Variants in NMNAT2 observed in about 807,000 individuals in gnomAD.
NMNAT2 encodes nicotinamide nucleotide adenylyltransferase 2.
In NMNAT2, 11 loss-of-function variants were observed where a neutral mutation model predicts 41.6. That is an observed-to-expected ratio of 0.26 (90% CI 0.17 to 0.44). NMNAT2 has a LOEUF of 0.44. Ranked by LOEUF, NMNAT2 falls within the 20% of genes least tolerant of loss-of-function variation. The probability of loss-of-function intolerance (pLI) is 1.00; values close to 1 mark genes in which losing one functional copy is unlikely to be tolerated. For missense variants in NMNAT2, 288 were observed against 407.7 expected (o/e 0.71, Z 2.53); for synonymous variants, 148 against 151.2 (o/e 0.98, Z 0.16).
rs752970896 is a variant in NMNAT2 at position 183,283,925 on chromosome 1, C to T, written c.574+70G>A. The stretch of plus-strand genomic sequence containing the variant: ...TGGGTTTTCAAGCCTCTCTGCTCCC[C>T]ATGTTGCCTGTCGTGAAGGCAGGGA... On this transcript the variant is annotated intron_variant, in intron 7 of 10. Transcript: ENST00000287713. 9 of 1,460,352 alleles carry T rather than the reference C, an allele frequency of 6.2e-6. No homozygotes were observed. In the African/African-American group the frequency reaches 1.1e-4, roughly 18 times the overall value. The allele number at this position is 1,460,352 out of a possible 1,614,324, so 90.5% of individuals were successfully genotyped here. A position where few individuals can be genotyped will look rare whatever the true frequency, so the allele number is the denominator to read the frequency against.
chr1:183,291,603 G>A (rs1661541656), intron 3 of NMNAT2, among the ~76,000 whole-genome samples: 1 of 152,160 alleles, frequency 6.6e-6, no homozygotes, highest in South Asian at 2.1e-4. Context: ...TGGAATGCAT[G>A]AGGGAATTAT....
chr1:183,311,661 T>C (rs1024748575), intron 1 of NMNAT2, among the ~76,000 whole-genome samples: 1 of 151,592 alleles, frequency 6.6e-6, no homozygotes, highest in Admixed American at 6.6e-5. Context: ...ATCCAAGAAG[T>C]GGGCTTCTCA....
At chr1:183,374,716 G>A (rs1557893148) in intron 1 of NMNAT2, among the ~76,000 whole-genome samples, 1 of 152,122 alleles carries the variant, frequency 6.6e-6, no homozygotes, top group Non-Finnish European at 1.5e-5. Context: ...GATGAGGAGT[G>A]CTAAGAGAGG....
intron 1 of NMNAT2, among the ~76,000 whole-genome samples, chr1:183,403,414 G>A (rs527512503): frequency 6.6e-6 from 1 of 151,614 alleles, no homozygotes; most frequent in Non-Finnish European, 1.5e-5. Flanking sequence ...TATTGAGTTG[G>A]GGGAAGGGAC....
intron 10 of NMNAT2, among the ~76,000 whole-genome samples, chr1:183,255,728 A>G (rs2102274674): frequency 7.2e-6 from 1 of 137,972 alleles, no homozygotes; most frequent in East Asian, 2.2e-4. Flanking sequence ...CAATGGTGTG[A>G]TCTTGACTCA....
At chr1:183,303,212 G>C (rs1213730529) in intron 1 of NMNAT2, among the ~76,000 whole-genome samples, 1 of 152,070 alleles carries the variant, frequency 6.6e-6, no homozygotes, top group African/African-American at 2.4e-5. Context: ...ACACAGCCTG[G>C]AGCAACTTTG....
chr1:183,341,724 C>CGAAAAAAA (rs1557883660), intron 1 of NMNAT2, among the ~76,000 whole-genome samples: 1 of 15,822 alleles, frequency 6.3e-5, no homozygotes, highest in Non-Finnish European at 1.4e-4. Context: ...CAAACAAACA[C>CGAAAAAAA]CAAAAAAAAA....
intron 8 of NMNAT2, among the ~76,000 whole-genome samples, chr1:183,276,362 C>A (rs576036649): frequency 6.6e-6 from 1 of 152,308 alleles, no homozygotes; most frequent in East Asian, 1.9e-4. Flanking sequence ...AGGGACCAAT[C>A]AGAAAAGGAG....
chr1:183,395,765 A>T (rs942858713), intron 1 of NMNAT2, among the ~76,000 whole-genome samples: 2 of 152,174 alleles, frequency 1.3e-5, no homozygotes, highest in Admixed American at 1.3e-4. Context: ...GTATTGGGAG[A>T]GGGGAGGTTA....
chr1:183,269,868 T>C (rs1660937168), intron 8 of NMNAT2, among the ~76,000 whole-genome samples: 1 of 152,168 alleles, frequency 6.6e-6, no homozygotes, highest in Admixed American at 6.5e-5. Flanking sequence ...TTAAGACTCA[T>C]ATTGTAGTGA....
At chr1:183,279,569 G>C (rs1331427229) in intron 7 of NMNAT2, among the ~76,000 whole-genome samples, 8 of 152,188 alleles carry the variant, frequency 5.3e-5, no homozygotes, top group African/African-American at 1.7e-4. Flanking sequence ...AGGCCCAGGC[G>C]AGAGACAGAG....
chr1:183,261,441 A>G (rs1248882826), intron 8 of NMNAT2, 138 bp from the exon 9 acceptor site: 3 of 711,360 alleles, frequency 4.2e-6, no homozygotes, highest in Non-Finnish European at 7.4e-6. Context: ...CCTTCTTCTC[A>G]GCCCCATCAG....
intron 1 of NMNAT2, among the ~76,000 whole-genome samples, chr1:183,321,284 G>T (rs1662351538): frequency 2.6e-5 from 4 of 152,104 alleles, no homozygotes; most frequent in Admixed American, 2.6e-4. Flanking sequence ...TGTTCATGAA[G>T]CCCAAACCAT....
chr1:183,311,872 G>GT (rs1662130911), intron 1 of NMNAT2, among the ~76,000 whole-genome samples: 1 of 151,736 alleles, frequency 6.6e-6, no homozygotes, highest in African/African-American at 2.4e-5. Flanking sequence ...TCGGTGGGAG[G>GT]TAATTGAATC....
chr1:183,327,414 A>G (rs569579313), intron 1 of NMNAT2, among the ~76,000 whole-genome samples: 1 of 152,296 alleles, frequency 6.6e-6, no homozygotes, highest in African/African-American at 2.4e-5. Context: ...AACTTCTCTC[A>G]GTTCACACAG....
At chr1:183,307,591 C>A (rs1302061655) in intron 1 of NMNAT2, among the ~76,000 whole-genome samples, 7 of 152,056 alleles carry the variant, frequency 4.6e-5, no homozygotes, top group African/African-American at 1.7e-4. Context: ...TACAGGCTCC[C>A]ACCACCACAC....
At chr1:183,276,831 C>G (rs927757265) in intron 8 of NMNAT2, among the ~76,000 whole-genome samples, 1 of 152,242 alleles carries the variant, frequency 6.6e-6, no homozygotes, top group Non-Finnish European at 1.5e-5. Flanking sequence ...AAAGCAAAAG[C>G]TAATTAAGCC....
At chr1:183,346,562 A>G (rs1022827416) in intron 1 of NMNAT2, among the ~76,000 whole-genome samples, 2 of 152,240 alleles carry the variant, frequency 1.3e-5, no homozygotes, top group Non-Finnish European at 2.9e-5. Flanking sequence ...AGAAATCAGG[A>G]GACAGAGATA....
intron 1 of NMNAT2, among the ~76,000 whole-genome samples, chr1:183,315,638 C>T (rs958271844): frequency 2.6e-5 from 4 of 151,912 alleles, no homozygotes; most frequent in East Asian, 3.9e-4. Flanking sequence ...AAAAATTAGC[C>T]GGGCATGGTC....
Sources: gnomAD v4.1 joint callset for allele counts (sites outside exome capture counted in the v4.1 genomes callset) on GRCh38, gnomAD v4.1.1 for gene constraint, MANE v1.5 for transcripts, NCBI Gene and HGNC (gene_info 2026-07-23, HGNC 2026-07-21) for gene names.